Variants in HRH1 observed in about 807,000 individuals in gnomAD.
HRH1 encodes the protein histamine receptor H1.
A neutral mutation model predicts 10.3 loss-of-function variants in HRH1; 6 were observed. The ratio of observed to expected loss-of-function variants is 0.58; its 90% CI spans 0.32 to 1.15. The LOEUF is 1.15. Ranked by LOEUF, HRH1 falls within the 50% of genes most tolerant of loss-of-function variation. The pLI, the probability that HRH1 is intolerant of heterozygous loss-of-function variation, is 0.05. For synonymous variants in HRH1, 242 were observed against 236.7 expected (o/e 1.02, Z -0.21); for missense variants, 514 against 615.3 (o/e 0.84, Z 1.74).
intron 1 of HRH1, among the ~76,000 whole-genome samples, chr3:11,250,102 G>A (rs1422135802): frequency 7.0e-6 from 1 of 142,748 alleles, no homozygotes; most frequent in Non-Finnish European, 1.5e-5. Flanking sequence ...GAGTGCAGTG[G>A]CGCGATCTCC....
intron 1 of HRH1, among the ~76,000 whole-genome samples, chr3:11,201,398 T>C (rs1937902394): frequency 1.3e-5 from 2 of 152,102 alleles, no homozygotes; most frequent in Admixed American, 6.5e-5. Context: ...CGGGGTATTA[T>C]GGGATGGTGA....
chr3:11,240,017 G>C (rs1256884419), intron 1 of HRH1, among the ~76,000 whole-genome samples: 2 of 152,194 alleles, frequency 1.3e-5, no homozygotes, highest in African/African-American at 2.4e-5. Context: ...GAACTGGGCT[G>C]ACTGGTTTGT....
rs1939994017 is a variant in HRH1 at position 11,262,911 on chromosome 3, A to G, written c.*2410A>G. Reference sequence around the variant, plus strand: ...TGCATTTTTAAAACATGCTGAGCACATACCATGTGCCAGGCTTTGTGTTTT... The same window carrying G: ...TGCATTTTTAAAACATGCTGAGCACGTACCATGTGCCAGGCTTTGTGTTTT... On this transcript the variant is annotated 3_prime_UTR_variant, in exon 2 of 2. Transcript: ENST00000431010. 2 of 167,122 alleles carry G rather than the reference A, an allele frequency of 1.2e-5. No individual in the cohort carries two copies. The highest frequency in any genetic ancestry group is 2.9e-5 in the Non-Finnish European group (2 of 68,132). 10.4% of individuals were successfully genotyped at this position (167,122 alleles called of 1,614,324 possible).
At chr3:11,200,474 A>G (rs1379198420) in intron 1 of HRH1, among the ~76,000 whole-genome samples, 1 of 152,112 alleles carries the variant, frequency 6.6e-6, no homozygotes, top group Non-Finnish European at 1.5e-5. Context: ...TCCTTTGTGC[A>G]CAGCTTGGAT....
intron 1 of HRH1, among the ~76,000 whole-genome samples, chr3:11,217,967 G>A (rs544676242): frequency 1.6e-4 from 24 of 152,246 alleles, no homozygotes; most frequent in African/African-American, 5.5e-4. Flanking sequence ...ACAGAACCTC[G>A]AGTGTGCAGT....
chr3:11,219,499 G>A (rs891473714), intron 1 of HRH1, among the ~76,000 whole-genome samples: 1 of 151,952 alleles, frequency 6.6e-6, no homozygotes, highest in African/African-American at 2.4e-5. Flanking sequence ...GGAGCACGAG[G>A]TCAGGAGTTC....
intron 1 of HRH1, among the ~76,000 whole-genome samples, chr3:11,180,948 TACACAC>T (rs71055851): frequency 0.045 from 5,458 of 121,048 alleles, 136 homozygotes; most frequent in South Asian, 0.072. Context: ...CTCTCAGGCA[TACACAC>T]ACACACACAC....
At chr3:11,207,191 C>T (rs1198920665) in intron 1 of HRH1, among the ~76,000 whole-genome samples, 1 of 151,970 alleles carries the variant, frequency 6.6e-6, no homozygotes, top group East Asian at 1.9e-4. Context: ...GAAAGGTAGA[C>T]AGAAGCCAGG....
chr3:11,157,025 G>T (rs937654239), intron 1 of HRH1, among the ~76,000 whole-genome samples: 1 of 152,224 alleles, frequency 6.6e-6, no homozygotes, highest in Non-Finnish European at 1.5e-5. Context: ...CCATTGCAAC[G>T]AGTGTCACTA....
chr3:11,138,922 A>G (rs1479681311), intron 1 of HRH1, among the ~76,000 whole-genome samples: 3 of 146,592 alleles, frequency 2.0e-5, no homozygotes, highest in African/African-American at 7.6e-5. Context: ...CAATCCTCCC[A>G]CCTCAGCCTC....
intron 1 of HRH1, among the ~76,000 whole-genome samples, chr3:11,244,330 C>G (rs1939425900): frequency 6.6e-6 from 1 of 152,216 alleles, no homozygotes; most frequent in Non-Finnish European, 1.5e-5. Flanking sequence ...TCACACCCAG[C>G]TACAAAGGAG....
chr3:11,206,970 T>C (rs347592), intron 1 of HRH1, among the ~76,000 whole-genome samples: 90,454 of 151,424 alleles, frequency 0.6, 27,259 homozygotes, highest in East Asian at 0.7. Flanking sequence ...CTTATCGGGG[T>C]GGAGTCAAGG....
chr3:11,198,142 G>T (rs944946380), intron 1 of HRH1, among the ~76,000 whole-genome samples: 2 of 152,126 alleles, frequency 1.3e-5, no homozygotes, highest in Admixed American at 6.5e-5. Flanking sequence ...CATCTGCAAG[G>T]CTGTGAGGTT....
chr3:11,193,677 G>A (rs1233737985), intron 1 of HRH1, among the ~76,000 whole-genome samples: 1 of 152,168 alleles, frequency 6.6e-6, no homozygotes, highest in Non-Finnish European at 1.5e-5. Context: ...TGGAGGCTGG[G>A]AAGTCCAAGC....
chr3:11,196,847 C>T (rs1034555221), intron 1 of HRH1, among the ~76,000 whole-genome samples: 4 of 151,406 alleles, frequency 2.6e-5, no homozygotes, highest in Non-Finnish European at 5.9e-5. Flanking sequence ...CGGTAGCTCA[C>T]GCCTGTAATC....
At chr3:11,222,671 C>T (rs1382825806) in intron 1 of HRH1, among the ~76,000 whole-genome samples, 1 of 151,960 alleles carries the variant, frequency 6.6e-6, no homozygotes, top group African/African-American at 2.4e-5. Flanking sequence ...GCGAGCTGTG[C>T]GTCAGGGCCC....
chr3:11,180,441 G>T (rs1574992179), intron 1 of HRH1, among the ~76,000 whole-genome samples: 1 of 152,162 alleles, frequency 6.6e-6, no homozygotes, highest in African/African-American at 2.4e-5. Context: ...TATCAATAAG[G>T]TTCGAGCTCC....
At chr3:11,219,391 G>C (rs1938619903) in intron 1 of HRH1, among the ~76,000 whole-genome samples, 2 of 152,184 alleles carry the variant, frequency 1.3e-5, no homozygotes, top group South Asian at 4.1e-4. Context: ...AAAGTGGTAA[G>C]TGTTTTAGTG....
rs377340707 is a variant in HRH1, at chr3:11,231,656, A to T, written c.-35-27347A>T. On this transcript the variant is annotated intron_variant, in intron 1 of 1. Transcript: ENST00000431010. ...CATCTGTTTGATGAAATGTTTCCTC[A>T]TATCATTTGCCCATTTTCTCATTGG... 1.2e-4 allele frequency among the ~76,000 whole-genome samples: 18 copies of T among 152,226 alleles called. No individual in the cohort carries two copies. In the East Asian group the frequency reaches 2.7e-3, roughly 23 times the overall value.
Sources: allele counts gnomAD v4.1 joint callset (sites outside exome capture counted in the v4.1 genomes callset), GRCh38; gene constraint gnomAD v4.1.1; transcripts MANE v1.5; gene names NCBI Gene and HGNC (gene_info 2026-07-23, HGNC 2026-07-21).